Variants in FAT3 observed in about 807,000 individuals in gnomAD.
The protein encoded by FAT3 is FAT atypical cadherin 3.
FAT3 carries 95 observed loss-of-function variants against 310.2 expected under a neutral mutation model. That is an observed-to-expected ratio of 0.31 (90% CI 0.26 to 0.36). FAT3 has a LOEUF of 0.36. Among genes scored for constraint, FAT3 ranks in the 10% least tolerant of loss-of-function variants. The pLI, the probability that FAT3 is intolerant of heterozygous loss-of-function variation, is 1.00. For synonymous variants in FAT3, 2,314 were observed against 2,192.9 expected, an observed-to-expected ratio of 1.06 and a Z score of -1.54; for missense variants, 5,408 against 5,715.6, an observed-to-expected ratio of 0.95 and a Z score of 1.74.
intron 18 of FAT3, among the ~76,000 whole-genome samples, chr11:92,841,971 G>C (rs1357109634): frequency 6.6e-6 from 1 of 151,976 alleles, no homozygotes; most frequent in Non-Finnish European, 1.5e-5. Flanking sequence ...ATTTCCCTTA[G>C]TCAGGGACCA....
At chr11:92,249,779 T>A (rs1191195189) in intron 1 of FAT3, among the ~76,000 whole-genome samples, 7 of 152,070 alleles carry the variant, frequency 4.6e-5, no homozygotes, top group African/African-American at 1.7e-4. Flanking sequence ...CCCTCCTCCA[T>A]CTGATGGAAG....
intron 1 of FAT3, among the ~76,000 whole-genome samples, chr11:92,237,529 A>G (rs1298616685): frequency 6.6e-6 from 1 of 152,148 alleles, no homozygotes; most frequent in Non-Finnish European, 1.5e-5. Flanking sequence ...ATCCTAGTGA[A>G]CACTGGTGAG....
In FAT3 at chr11:92,764,969, C is replaced by T. The variant is rs750737202; in HGVS notation, c.4075C>T (p.Pro1359Ser). 1 of 1,613,852 alleles carries T rather than the reference C, an allele frequency of 6.2e-7. No homozygotes were observed. The highest frequency in any genetic ancestry group is 8.5e-7 in the Non-Finnish European group (1 of 1,179,836). Residue 1359 changes from proline (P) to serine (S), a missense_variant, in exon 6 of 28, where the codon CCA (proline) becomes TCA (serine). Transcript: ENST00000525166. ...TAAGAAACCACCCCCTTCACCTATA[C>T]CATTGACCTTCGATGAGCCGTTTTA... The part of the protein sequence containing the change: ...WIKKPPPSPI[P>S]LTFDEPFYNF...
intron 1 of FAT3, among the ~76,000 whole-genome samples, chr11:92,347,707 G>C (rs1260663059): frequency 1.3e-5 from 2 of 152,136 alleles, no homozygotes; most frequent in Non-Finnish European, 2.9e-5. Flanking sequence ...GGCAGGATGG[G>C]GAGGCACACC....
chr11:92,253,201 A>T (rs1429083998), intron 1 of FAT3, among the ~76,000 whole-genome samples: 1 of 151,892 alleles, frequency 6.6e-6, no homozygotes, highest in Non-Finnish European at 1.5e-5. Flanking sequence ...CCTAGGCAGG[A>T]CCCTCACAAG....
intron 3 of FAT3, among the ~76,000 whole-genome samples, chr11:92,587,435 A>G (rs966642962): frequency 3.3e-5 from 5 of 152,032 alleles, no homozygotes; most frequent in Admixed American, 3.3e-4. Flanking sequence ...AATTTCTAGA[A>G]GTAGACTTGC....
intron 1 of FAT3, among the ~76,000 whole-genome samples, chr11:92,339,352 A>G (rs1274151042): frequency 2.0e-5 from 3 of 152,154 alleles, no homozygotes; most frequent in Admixed American, 6.5e-5. Flanking sequence ...ATCTAATCCT[A>G]TGTTTTCTTG....
chr11:92,824,914 T>C (rs1948064903), intron 13 of FAT3, among the ~76,000 whole-genome samples: 1 of 152,202 alleles, frequency 6.6e-6, no homozygotes, highest in Non-Finnish European at 1.5e-5. Flanking sequence ...TAGTATTCTA[T>C]ATACATCATA....
intron 20 of FAT3, 43 bp downstream of exon 20, chr11:92,857,391 C>G: frequency 1.2e-6 from 2 of 1,609,926 alleles, no homozygotes; most frequent in South Asian, 2.2e-5. Context: ...TTTCATATTC[C>G]TGAAACACTT....
intron 3 of FAT3, among the ~76,000 whole-genome samples, chr11:92,633,339 A>G (rs1277552528): frequency 6.6e-6 from 1 of 152,164 alleles, no homozygotes; most frequent in Non-Finnish European, 1.5e-5. Context: ...TCCCCAGATA[A>G]CAGAAAATGT....
intron 3 of FAT3, among the ~76,000 whole-genome samples, chr11:92,574,183 C>T (rs906852576): frequency 5.3e-5 from 8 of 152,074 alleles, no homozygotes; most frequent in Non-Finnish European, 1.2e-4. Context: ...TGTTTAGAAG[C>T]GTTATGGTCT....
intron 3 of FAT3, among the ~76,000 whole-genome samples, chr11:92,605,424 A>G (rs1395093536): frequency 1.3e-5 from 2 of 152,200 alleles, no homozygotes; most frequent in African/African-American, 2.4e-5. Flanking sequence ...AGCCATGAAC[A>G]TAGAAGAACA....
At chr11:92,235,022 G>A (rs886596523) in intron 1 of FAT3, among the ~76,000 whole-genome samples, 4 of 151,276 alleles carry the variant, frequency 2.6e-5, no homozygotes, top group African/African-American at 9.7e-5. Context: ...AGTGAGCTAA[G>A]ATTGCGCCAC....
intron 3 of FAT3, among the ~76,000 whole-genome samples, chr11:92,547,669 G>A (rs1049447418): frequency 7.2e-5 from 11 of 152,044 alleles, no homozygotes; most frequent in Non-Finnish European, 1.6e-4. Context: ...ATGCATGTAT[G>A]TAGAGACCCC....
At chr11:92,647,917 A>G (rs187003378) in intron 3 of FAT3, among the ~76,000 whole-genome samples, 86 of 152,288 alleles carry the variant, frequency 5.6e-4, no homozygotes, top group African/African-American at 1.9e-3. Context: ...GCCTGTCTTC[A>G]TGCTGTATGT....
At chr11:92,258,361 C>A (rs981638365) in intron 1 of FAT3, among the ~76,000 whole-genome samples, 1 of 152,074 alleles carries the variant, frequency 6.6e-6, no homozygotes, top group Non-Finnish European at 1.5e-5. Context: ...AAGGCAAGAG[C>A]TCCAAGGGAT....
chr11:92,738,456 A>G (rs1945413710), intron 4 of FAT3, among the ~76,000 whole-genome samples: 1 of 152,140 alleles, frequency 6.6e-6, no homozygotes, highest in Admixed American at 6.6e-5. Context: ...ATTTGTAATC[A>G]TGGCTGTCAT....
At chr11:92,791,011 TA>T (rs1591736574) in intron 8 of FAT3, among the ~76,000 whole-genome samples, 1 of 152,150 alleles carries the variant, frequency 6.6e-6, no homozygotes, top group Non-Finnish European at 1.5e-5. Flanking sequence ...AATACTACAC[TA>T]AGACAGTACA....
chr11:92,809,183 G>A (rs148847926), intron 12 of FAT3, among the ~76,000 whole-genome samples: 1,757 of 152,180 alleles, frequency 0.012, 46 homozygotes, highest in African/African-American at 0.04. Flanking sequence ...ATTACTCCAC[G>A]CGGGATGCTA....
Sources: allele counts gnomAD v4.1 joint callset (sites outside exome capture counted in the v4.1 genomes callset), GRCh38; gene constraint gnomAD v4.1.1; transcripts MANE v1.5; gene names NCBI Gene and HGNC (gene_info 2026-07-23, HGNC 2026-07-21).